BNIP3L: variants seen among roughly 807,000 people sequenced by gnomAD.
The protein encoded by BNIP3L is BCL2 interacting protein 3 like.
Under a neutral mutation model 25.5 loss-of-function variants are expected in BNIP3L, and 10 were observed. The ratio of observed to expected loss-of-function variants is 0.39; its 90% CI spans 0.24 to 0.67. The LOEUF (loss-of-function observed/expected upper bound fraction) is 0.67. Among genes scored for constraint, BNIP3L ranks in the 30% least tolerant of loss-of-function variants. The pLI is 0.45. For missense variants in BNIP3L, 215 were observed against 270.9 expected (o/e 0.79, Z 1.45); for synonymous variants, 113 against 101.2 (o/e 1.12, Z -0.70).
chr8:26,383,742 C>T (rs563765396), intron 1 of BNIP3L, among the ~76,000 whole-genome samples: 2 of 151,996 alleles, frequency 1.3e-5, no homozygotes, highest in African/African-American at 4.8e-5. Context: ...GCGGGAGCCC[C>T]CCAGCGAGCA....
intron 3 of BNIP3L, among the ~76,000 whole-genome samples, chr8:26,396,493 C>T (rs1472126717): frequency 2.5e-5 from 3 of 119,048 alleles, no homozygotes; most frequent in African/African-American, 9.9e-5. Context: ...TCATCAAAGA[C>T]CAAAAGTAGA....
At position 26,386,881 on chromosome 8, in the gene BNIP3L, AATTT is replaced by A. The variant is rs200776349; in HGVS notation, c.100+3664_100+3667del. 6.1e-3 allele frequency among the ~76,000 whole-genome samples: 929 copies of A among 152,228 alleles called. 11 individuals carry two copies. The highest frequency in any genetic ancestry group is 0.021 in the African/African-American group (855 of 41,522). ...GCTGCAAAAAGACCAACTTTTCAAA[AATTT>A]ATTTATTTATTTTTTTATTTAAGAA... On this transcript the variant is annotated intron_variant, in intron 1 of 5. Transcript: ENST00000380629.
chr8:26,392,228 G>A (rs566023785), intron 2 of BNIP3L, among the ~76,000 whole-genome samples: 1 of 104,592 alleles, frequency 9.6e-6, no homozygotes, highest in Non-Finnish European at 1.9e-5. Flanking sequence ...AGAAATTCTT[G>A]TTTCAGTGAC....
intron 1 of BNIP3L, among the ~76,000 whole-genome samples, chr8:26,390,920 A>G (rs1028919510): frequency 2.0e-5 from 3 of 151,534 alleles, no homozygotes; most frequent in Admixed American, 6.6e-5. Context: ...AAAAGTAGCA[A>G]TTTTTTTTTG....
At chr8:26,385,075 C>T (rs1410892510) in intron 1 of BNIP3L, among the ~76,000 whole-genome samples, 3 of 152,066 alleles carry the variant, frequency 2.0e-5, no homozygotes, top group African/African-American at 4.8e-5. Context: ...GCCATCGCAC[C>T]GGCTTCTTTT....
intron 3 of BNIP3L, among the ~76,000 whole-genome samples, chr8:26,406,558 A>G (rs2117493881): frequency 6.6e-6 from 1 of 152,116 alleles, no homozygotes; most frequent in Non-Finnish European, 1.5e-5. Context: ...AGTGTCTCAC[A>G]CCTGTAATCC....
chr8:26,407,727 C>T (rs747162791), intron 3 of BNIP3L, among the ~76,000 whole-genome samples: 18 of 152,230 alleles, frequency 1.2e-4, no homozygotes, highest in Non-Finnish European at 2.2e-4. Flanking sequence ...TTTCATACTT[C>T]CCTTAGCATT....
At chr8:26,401,702 G>T (rs974371483) in intron 3 of BNIP3L, among the ~76,000 whole-genome samples, 3 of 151,278 alleles carry the variant, frequency 2.0e-5, no homozygotes, top group Admixed American at 2.0e-4. Context: ...TCAAAGCAGT[G>T]GCTTTTGAGA....
Position 26,383,129 on chromosome 8 carries a change from C to G in BNIP3L, c.-2C>G, listed in dbSNP as rs767521302. 6.2e-7 allele frequency: 1 copy of G among 1,608,774 alleles called. No individual in the cohort carries two copies. The highest frequency in any genetic ancestry group is 1.7e-5 in the Admixed American group (1 of 59,476). ...TGCCGCAGTCCTGCCAGCTGTCCGA[C>G]AATGTCGTCCCACCTAGTCGAGCCG... is the stretch of plus-strand genomic sequence containing the variant. On this transcript the variant is annotated 5_prime_UTR_variant, in exon 1 of 6. Transcript: ENST00000380629.
At position 26,412,470 on chromosome 8, in the gene BNIP3L, C is replaced by T. The variant is rs1168427219; in HGVS notation, c.*2058C>T. 6.6e-6 allele frequency: 1 copy of T among 152,162 alleles called. No homozygotes were observed. Among genetic ancestry groups the T allele is most frequent in the Non-Finnish European group, 1.5e-5 (1 of 68,028 alleles). The allele number at this position is 152,162 out of a possible 1,614,324, so 9.4% of individuals were successfully genotyped here. ...TCAGCAGCAGTTCTATCAGTGGTGC[C>T]ACTGAAACTGGGTATATTTATGATT... On this transcript the variant is annotated 3_prime_UTR_variant, in exon 6 of 6. Transcript: ENST00000380629.
chr8:26,412,149 C>T lies in BNIP3L; in HGVS notation c.*1737C>T, dbSNP rs1476667195. The T allele has an allele frequency of 6.6e-6, 1 of 151,854 alleles. No individual in the cohort carries two copies. The highest frequency in any genetic ancestry group is 1.5e-5 in the Non-Finnish European group (1 of 67,962). The allele number at this position is 151,854 out of a possible 1,614,324, so 9.4% of individuals were successfully genotyped here. Reference sequence around the variant, plus strand: ...CTAAATAATTTTGGACATCTTTTTCCTAGACCATGTTTCTGTCTTACTCTT... The same window carrying T: ...CTAAATAATTTTGGACATCTTTTTCTTAGACCATGTTTCTGTCTTACTCTT... On this transcript the variant is annotated 3_prime_UTR_variant, in exon 6 of 6. Coordinates refer to ENST00000380629, the MANE Select transcript of BNIP3L (RefSeq NM_004331.3).
At position 26,383,155 on chromosome 8, in the gene BNIP3L, C is replaced by T. The variant is rs757351653; in HGVS notation, c.25C>T (p.Pro9Ser). 6.2e-7 allele frequency: 1 copy of T among 1,612,092 alleles called. No individual in the cohort carries two copies. The highest frequency in any genetic ancestry group is 1.7e-5 in the Admixed American group (1 of 59,920). ...AATGTCGTCCCACCTAGTCGAGCCG[C>T]CGCCGCCCCTGCACAACAACAACAA... is the stretch of plus-strand genomic sequence containing the variant. MSSHLVEP[P>S]PPLHNNNNNC... The change falls in exon 1 of 6, where the codon CCG (proline) becomes TCG (serine). Residue 9 changes from proline (P) to serine (S), a missense_variant. Physicochemically the swap from Pro to Ser is moderately conservative, Grantham distance 74. Coordinates refer to ENST00000380629, the MANE Select transcript of BNIP3L (RefSeq NM_004331.3).
chr8:26,402,982 C>T (rs1053677389), intron 3 of BNIP3L, among the ~76,000 whole-genome samples: 12 of 152,186 alleles, frequency 7.9e-5, no homozygotes, highest in Non-Finnish European at 1.8e-4. Context: ...GAGTTGAATG[C>T]ATCTACCCTG....
At chr8:26,388,486 A>G (rs1403066483) in intron 1 of BNIP3L, among the ~76,000 whole-genome samples, 1 of 152,144 alleles carries the variant, frequency 6.6e-6, no homozygotes, top group Non-Finnish European at 1.5e-5. Flanking sequence ...CCCAAGTACA[A>G]ATTGTCCGCC....
At chr8:26,408,409 A>G in intron 5 of BNIP3L, 33 bp downstream of exon 5, 1 of 1,577,640 alleles carries the variant, frequency 6.3e-7, no homozygotes, top group South Asian at 1.1e-5. Flanking sequence ...AGTTTTTTCC[A>G]TTCATTTTAT....
At chr8:26,409,933 T>C (rs1433588899) in intron 5 of BNIP3L, among the ~76,000 whole-genome samples, 1 of 91,560 alleles carries the variant, frequency 1.1e-5, no homozygotes, top group Non-Finnish European at 2.4e-5. Flanking sequence ...ACTGGCAGCT[T>C]TTAAGGTTTT....
intron 1 of BNIP3L, chr8:26,390,624 G>A (rs1806085896): frequency 2.2e-6 from 2 of 892,778 alleles, no homozygotes; most frequent in African/African-American, 3.6e-5. Flanking sequence ...TGAATTTTTA[G>A]CATTATTACC....
chr8:26,390,726 G>A (rs1019048674), intron 1 of BNIP3L, among the ~76,000 whole-genome samples: 4 of 152,180 alleles, frequency 2.6e-5, no homozygotes, highest in African/African-American at 7.2e-5. Flanking sequence ...CTCTCTAGGA[G>A]TTTCTCAGTT....
At chr8:26,391,019 T>C (rs1389785542) in intron 1 of BNIP3L, among the ~76,000 whole-genome samples, 1 of 152,140 alleles carries the variant, frequency 6.6e-6, no homozygotes, top group Non-Finnish European at 1.5e-5. Context: ...TTCTGAGATG[T>C]TTTAGAGTTT....
Sources: gnomAD v4.1 joint callset for allele counts (sites outside exome capture counted in the v4.1 genomes callset) on GRCh38, gnomAD v4.1.1 for gene constraint, MANE v1.5 for transcripts, NCBI Gene and HGNC (gene_info 2026-07-23, HGNC 2026-07-21) for gene names.